Variants in TRPC4AP observed in about 807,000 individuals in gnomAD.
The protein encoded by TRPC4AP is short transient receptor potential channel 4-associated protein.
A neutral mutation model predicts 99.0 loss-of-function variants in TRPC4AP; 45 were observed. The observed-to-expected ratio is 0.45, with a 90% CI of 0.36 to 0.58. The LOEUF is 0.58. Among genes scored for constraint, TRPC4AP ranks in the 20% least tolerant of loss-of-function variants. The pLI is 0.00. For synonymous variants in TRPC4AP, 408 were observed against 385.8 expected, an observed-to-expected ratio of 1.06 and a Z score of -0.67; for missense variants, 879 against 985.3, an observed-to-expected ratio of 0.89 and a Z score of 1.44.
At chr20:35,087,858 A>G (rs2084931126) in intron 1 of TRPC4AP, among the ~76,000 whole-genome samples, 1 of 152,208 alleles carries the variant, frequency 6.6e-6, no homozygotes, top group Non-Finnish European at 1.5e-5. Flanking sequence ...GACCCATTAC[A>G]AATTATGTGG....
At chr20:35,009,410 T>TCAC (rs1463935955) in intron 12 of TRPC4AP, among the ~76,000 whole-genome samples, 16 of 152,148 alleles carry the variant, frequency 1.1e-4, no homozygotes, top group Non-Finnish European at 2.1e-4. Context: ...ATCCCTGGAC[T>TCAC]TTGGGAGGCT....
chr20:35,005,536 G>A (rs751536885), intron 16 of TRPC4AP, among the ~76,000 whole-genome samples, 159 bp downstream of exon 16: 3 of 152,238 alleles, frequency 2.0e-5, no homozygotes, highest in South Asian at 2.1e-4. Flanking sequence ...GAACAAGGCA[G>A]CAAAGCCAAT....
At chr20:35,038,645 G>T (rs747006416) in intron 7 of TRPC4AP, among the ~76,000 whole-genome samples, 1 of 152,094 alleles carries the variant, frequency 6.6e-6, no homozygotes, top group Non-Finnish European at 1.5e-5. Flanking sequence ...TCCCATGATT[G>T]GGCATGTATA....
chr20:35,027,894 T>C (rs2083068886), intron 8 of TRPC4AP, among the ~76,000 whole-genome samples: 1 of 152,188 alleles, frequency 6.6e-6, no homozygotes, highest in African/African-American at 2.4e-5. Flanking sequence ...CTTTCTTTTT[T>C]GGTCAGTGTG....
At chr20:35,072,867 C>T (rs991043155) in intron 2 of TRPC4AP, among the ~76,000 whole-genome samples, 6 of 152,052 alleles carry the variant, frequency 3.9e-5, no homozygotes, top group Non-Finnish European at 5.9e-5. Context: ...TATCAATTAC[C>T]TCGGGCAATA....
chr20:35,080,531 A>G (rs1340012931), intron 1 of TRPC4AP, among the ~76,000 whole-genome samples: 4 of 100,396 alleles, frequency 4.0e-5, no homozygotes, highest in Admixed American at 3.7e-4. Context: ...GCGAGACTCC[A>G]TCTAAAAAAA....
intron 8 of TRPC4AP, among the ~76,000 whole-genome samples, chr20:35,026,290 C>T (rs955401521): frequency 6.6e-6 from 1 of 151,650 alleles, no homozygotes; most frequent in Non-Finnish European, 1.5e-5. Flanking sequence ...TCACAGGTTA[C>T]TGCAGCCTCA....
chr20:35,041,177 T>C (rs1220264553), intron 7 of TRPC4AP, among the ~76,000 whole-genome samples: 1 of 103,432 alleles, frequency 9.7e-6, no homozygotes, highest in Admixed American at 9.0e-5. Context: ...CTACGGTACC[T>C]TGTTATGGCA....
intron 2 of TRPC4AP, among the ~76,000 whole-genome samples, chr20:35,071,857 C>T (rs895972193): frequency 9.9e-5 from 15 of 152,142 alleles, no homozygotes; most frequent in Non-Finnish European, 2.2e-4. Context: ...GAGGAATCGC[C>T]ACACTGTCTT....
At chr20:35,028,814 G>C (rs910149207) in intron 8 of TRPC4AP, among the ~76,000 whole-genome samples, 1 of 152,108 alleles carries the variant, frequency 6.6e-6, no homozygotes, top group Non-Finnish European at 1.5e-5. Context: ...CTTCCAATCT[G>C]TTAGTTTTTG....
intron 4 of TRPC4AP, 79 bp from the exon 5 acceptor site, chr20:35,055,110 A>G: frequency 1.6e-6 from 2 of 1,260,428 alleles, no homozygotes; most frequent in Non-Finnish European, 2.3e-6. Context: ...TTTTCAGCAT[A>G]AGAACTGTTA....
intron 7 of TRPC4AP, among the ~76,000 whole-genome samples, chr20:35,041,621 C>T (rs577976622): frequency 6.6e-6 from 1 of 152,324 alleles, no homozygotes; most frequent in East Asian, 1.9e-4. Context: ...CTGACCAGAA[C>T]AGTTCATTCC....
At chr20:35,066,376 G>A (rs1367581302) in intron 3 of TRPC4AP, among the ~76,000 whole-genome samples, 2 of 152,044 alleles carry the variant, frequency 1.3e-5, no homozygotes, top group African/African-American at 4.8e-5. Context: ...TAAAGTGCTG[G>A]GATTACAGGC....
intron 3 of TRPC4AP, among the ~76,000 whole-genome samples, chr20:35,066,363 T>G (rs1479179122): frequency 6.6e-6 from 1 of 152,136 alleles, no homozygotes; most frequent in East Asian, 1.9e-4. Flanking sequence ...TGCTTCGGCC[T>G]CCTAAAGTGC....
In TRPC4AP at chr20:35,086,533, G is replaced by GTATATATA. The variant is rs1308760481; in HGVS notation, c.168+6080_168+6081insTATATATA. On this transcript the variant is annotated intron_variant, in intron 1 of 18. Coordinates refer to ENST00000252015, the MANE Select transcript of TRPC4AP (RefSeq NM_015638.3). The stretch of plus-strand genomic sequence containing the variant: ...TGTGTGTGTGTGTATATATGTGTGT[G>GTATATATA]TGTGTGTGTGTGTGTGTGTGTGTGT... 2.9e-3 allele frequency among the ~76,000 whole-genome samples: 212 copies of GTATATATA among 73,480 alleles called. 16 individuals are homozygous for GTATATATA. The highest frequency in any genetic ancestry group is 4.2e-3 in the South Asian group (10 of 2,398). The allele number at this position is 73,480 out of a possible 152,430, so 48.2% of individuals were successfully genotyped here. A position where few individuals can be genotyped will look rare whatever the true frequency, so the allele number is the denominator to read the frequency against.
intron 8 of TRPC4AP, 39 bp from the exon 9 acceptor site, chr20:35,021,395 G>C: frequency 2.5e-6 from 4 of 1,603,278 alleles, no homozygotes; most frequent in Non-Finnish European, 3.4e-6. Flanking sequence ...GTCACAGCTT[G>C]TGAGGAAACA....
intron 11 of TRPC4AP, among the ~76,000 whole-genome samples, 197 bp downstream of exon 11, chr20:35,012,811 G>C (rs1322934653): frequency 6.6e-6 from 1 of 152,172 alleles, no homozygotes; most frequent in Non-Finnish European, 1.5e-5. Flanking sequence ...GAAAGCTTGG[G>C]GCAGTGCCTG....
intron 1 of TRPC4AP, among the ~76,000 whole-genome samples, chr20:35,083,841 C>G (rs1569153935): frequency 6.6e-6 from 1 of 151,690 alleles, no homozygotes; most frequent in Non-Finnish European, 1.5e-5. Context: ...GAAAAATGCT[C>G]TGGATTTGGT....
At chr20:35,057,808 AAAG>A (rs1394621782) in intron 3 of TRPC4AP, among the ~76,000 whole-genome samples, 6 of 152,252 alleles carry the variant, frequency 3.9e-5, no homozygotes, top group Admixed American at 3.9e-4. Flanking sequence ...TCATTTTTGA[AAAG>A]AAGTATTTTA....
Sources: gnomAD v4.1 joint callset for allele counts (sites outside exome capture counted in the v4.1 genomes callset) on GRCh38, gnomAD v4.1.1 for gene constraint, MANE v1.5 for transcripts, NCBI Gene and HGNC (gene_info 2026-07-23, HGNC 2026-07-21) for gene names.